Variants in ZFHX3 observed in about 807,000 individuals in gnomAD.
The protein encoded by ZFHX3 is zinc finger homeobox protein 3.
ZFHX3 carries 42 observed loss-of-function variants against 279.1 expected under a neutral mutation model. That is an observed-to-expected ratio of 0.15 (90% confidence interval 0.12 to 0.19). The LOEUF (loss-of-function observed/expected upper bound fraction) is 0.19. Among genes scored for constraint, ZFHX3 ranks in the 10% least tolerant of loss-of-function variants. ZFHX3 has a pLI of 1.00. For synonymous variants in ZFHX3, 2,293 were observed against 1,957.8 expected (o/e 1.17, Z -4.52); for missense variants, 4,981 against 4,754.0 (o/e 1.05, Z -1.40).
chr16:73,347,349 T>C (rs2016142931), intron 3 of ZFHX3, among the ~76,000 whole-genome samples: 1 of 152,232 alleles, frequency 6.6e-6, no homozygotes, highest in South Asian at 2.1e-4. Context: ...GTAACAGGTA[T>C]TCCTGCAGCC....
At chr16:73,510,343 G>A (rs2019407626) in intron 2 of ZFHX3, among the ~76,000 whole-genome samples, 1 of 151,822 alleles carries the variant, frequency 6.6e-6, no homozygotes, top group Non-Finnish European at 1.5e-5. Context: ...TGTGTCCCTG[G>A]CACCTAGATA....
intron 1 of ZFHX3, among the ~76,000 whole-genome samples, chr16:73,056,265 G>C (rs906367258): frequency 6.6e-6 from 1 of 152,084 alleles, no homozygotes; most frequent in African/African-American, 2.4e-5. Context: ...GACTGACTGT[G>C]TCTGTATTCT....
At chr16:73,462,114 T>TA (rs1197090202) in intron 2 of ZFHX3, among the ~76,000 whole-genome samples, 3 of 152,190 alleles carry the variant, frequency 2.0e-5, no homozygotes, top group Non-Finnish European at 4.4e-5. Context: ...TATTTTTTTT[T>TA]AGCTATGGTA....
At chr16:73,295,824 T>C (rs1298434974) in intron 4 of ZFHX3, among the ~76,000 whole-genome samples, 1 of 152,078 alleles carries the variant, frequency 6.6e-6, no homozygotes, top group Non-Finnish European at 1.5e-5. Flanking sequence ...GCAAGAAGAA[T>C]AGGGGACAGA....
chr16:73,381,572 A>T (rs984996373), intron 3 of ZFHX3, among the ~76,000 whole-genome samples: 4 of 152,214 alleles, frequency 2.6e-5, no homozygotes, highest in Admixed American at 6.5e-5. Context: ...ATTTATTTTT[A>T]AAAAATGGGC....
At position 72,958,145 on chromosome 16, in the gene ZFHX3, C is replaced by G; in HGVS notation, c.2001G>C (p.Ser667=). ...ACTTGGGGCACTTGAGTGTCTTACACGAGTTACGAGAATGCATCATGGTCA... is the reference window on the plus strand; with the variant it reads ...ACTTGGGGCACTTGAGTGTCTTACAGGAGTTACGAGAATGCATCATGGTCA... ...GHMTMMHSRN[S]CKTLKCPKCN... Residue 667 remains serine (S), a synonymous_variant, in exon 2 of 10, where the codon TCG becomes TCC. Coordinates refer to ENST00000268489, the MANE Select transcript of ZFHX3 (RefSeq NM_006885.4). The G allele has an allele frequency of 6.2e-7, 1 of 1,614,078 alleles. No homozygotes were observed. The highest frequency in any genetic ancestry group is 8.5e-7 in the Non-Finnish European group (1 of 1,179,994).
chr16:72,885,020 A>C (rs1343918619), intron 4 of ZFHX3, among the ~76,000 whole-genome samples: 2 of 152,256 alleles, frequency 1.3e-5, no homozygotes, highest in Non-Finnish European at 2.9e-5. Context: ...GGGGATTGGA[A>C]GAGGAACCTC....
At chr16:73,048,402 C>G (rs1965380310), upstream of ZFHX3, 1 of 151,704 alleles carries the variant, frequency 6.6e-6, no homozygotes, top group Non-Finnish European at 1.5e-5. Flanking sequence ...TGCGCTCGCT[C>G]CGCTTGGGGC....
intron 2 of ZFHX3, among the ~76,000 whole-genome samples, chr16:73,546,671 T>TTGCTGCTGCTGCTGCTGCTGCTGCTGC (rs57427757): frequency 1.5e-4 from 22 of 143,524 alleles, no homozygotes; most frequent in East Asian, 4.2e-4. Context: ...GGTGCTGCTG[T>TTGCTGCTGCTGCTGCTGCTGCTGCTGC]TGCTGCTGCT....
intron 2 of ZFHX3, among the ~76,000 whole-genome samples, chr16:73,497,120 C>A (rs142095297): frequency 1.3e-5 from 2 of 152,330 alleles, no homozygotes; most frequent in East Asian, 3.9e-4. Context: ...TATTAACTTT[C>A]CTGTAGAAAG....
chr16:72,995,176 G>A (rs1333265043), intron 1 of ZFHX3, among the ~76,000 whole-genome samples: 2 of 152,138 alleles, frequency 1.3e-5, no homozygotes, highest in African/African-American at 4.8e-5. Flanking sequence ...ATATTCTACA[G>A]AGTCCAGAGT....
chr16:73,084,744 T>C (rs1487556584), intron 8 of ZFHX3, among the ~76,000 whole-genome samples: 3 of 151,992 alleles, frequency 2.0e-5, no homozygotes, highest in Admixed American at 6.6e-5. Context: ...ATGGTCTCGA[T>C]CTCCTGGCCT....
rs1210314108 is a variant in ZFHX3 at position 72,797,938 on chromosome 16, T to G, written c.4744A>C (p.Thr1582Pro). ...KLKRALQESA[T>P]GQPEPTSSPD... is the part of the protein sequence containing the mutation. ...CTGCTGGTGGGTTCTGGCTGACCGG[T>G]TGCTGATTCTTGAAGGGCTCTCTTT... Residue 1582 changes from threonine (T) to proline (P), a missense_variant, in exon 9 of 10, where the codon ACC becomes CCC. Physicochemically the swap from Thr to Pro is conservative, Grantham distance 38. Transcript: ENST00000268489. The G allele has an allele frequency of 6.2e-7, 1 of 1,614,140 alleles. No homozygotes were observed.
chr16:73,370,650 A>C (rs2016611891), intron 3 of ZFHX3, among the ~76,000 whole-genome samples: 2 of 152,134 alleles, frequency 1.3e-5, no homozygotes, highest in African/African-American at 4.8e-5. Context: ...TGTCAGTGTG[A>C]TTACCAGGTT....
intron 5 of ZFHX3, among the ~76,000 whole-genome samples, chr16:73,201,200 G>T (rs769206332): frequency 2.0e-5 from 3 of 152,200 alleles, no homozygotes; most frequent in Non-Finnish European, 4.4e-5. Context: ...CAATGGGGGG[G>T]CTCTGTCCCC....
chr16:73,586,994 CT>C (rs2051933857), intron 2 of ZFHX3, among the ~76,000 whole-genome samples: 2 of 152,122 alleles, frequency 1.3e-5, no homozygotes, highest in Admixed American at 6.6e-5. Context: ...ATGCTGAATA[CT>C]TTTAAAAAAT....
chr16:73,073,775 AGGCATGAGCCACCAAGCCC>A (rs1253755185), intron 8 of ZFHX3, among the ~76,000 whole-genome samples: 1 of 152,238 alleles, frequency 6.6e-6, no homozygotes, highest in Non-Finnish European at 1.5e-5. Flanking sequence ...CTGGGATTAC[AGGCATGAGCCACCAAGCCC>A]GGCCTGGACT....
chr16:73,816,846 T>TG (rs1231889005), intron 1 of ZFHX3, among the ~76,000 whole-genome samples: 6 of 152,218 alleles, frequency 3.9e-5, no homozygotes, highest in African/African-American at 1.4e-4. Context: ...CCCAGACAAC[T>TG]GGACTTGACT....
chr16:73,468,289 T>C (rs897538082), intron 2 of ZFHX3, among the ~76,000 whole-genome samples: 1 of 152,048 alleles, frequency 6.6e-6, no homozygotes, highest in African/African-American at 2.4e-5. Context: ...AGCAGGATGA[T>C]GGAAGGAAGA....
Sources: allele counts gnomAD v4.1 joint callset (sites outside exome capture counted in the v4.1 genomes callset), GRCh38; gene constraint gnomAD v4.1.1; transcripts MANE v1.5; gene names NCBI Gene and HGNC (gene_info 2026-07-23, HGNC 2026-07-21).